Variants in SLC12A8 observed in about 807,000 individuals in gnomAD.
SLC12A8 encodes solute carrier family 12 member 8.
Under a neutral mutation model 75.6 loss-of-function variants are expected in SLC12A8, and 69 were observed. That is an observed-to-expected ratio of 0.91 (90% confidence interval 0.75 to 1.11). The LOEUF is 1.11. Among genes scored for constraint, SLC12A8 ranks in the 50% most tolerant of loss-of-function variants. The pLI, the probability that SLC12A8 is intolerant of heterozygous loss-of-function variation, is 0.00. For synonymous variants in SLC12A8, 365 were observed against 372.8 expected (o/e 0.98, Z 0.24); for missense variants, 877 against 896.7 (o/e 0.98, Z 0.28).
At position 125,110,364 on chromosome 3, in the gene SLC12A8, TGCCA is replaced by T. The variant is rs1939157664; in HGVS notation, c.913-33_913-30del. ...TGTGAGAAGCGGTTTCATTCGCCAGTGCCAGAACCTGCTCCTGTGCCTTTCTACC... is the reference window on the plus strand; with the variant it reads ...TGTGAGAAGCGGTTTCATTCGCCAGTGAACCTGCTCCTGTGCCTTTCTACC... On this transcript the variant is annotated intron_variant, in intron 8 of 13. Coordinates refer to ENST00000469902, the MANE Select transcript of SLC12A8 (RefSeq NM_024628.6). 4.4e-6 allele frequency: 7 copies of T among 1,602,580 alleles called. No homozygotes were observed. In the Admixed American group the frequency reaches 1.2e-4, roughly 27 times the overall value.
chr3:125,138,768 G>A lies in SLC12A8; in HGVS notation c.623-2986C>T, dbSNP rs528172005. 1.5e-3 allele frequency among the ~76,000 whole-genome samples: 234 copies of A among 152,036 alleles called. 5 individuals carry two copies. The Middle Eastern group carries it at 0.065, about 42-fold the overall frequency. On this transcript the variant is annotated intron_variant, in intron 5 of 13. Transcript: ENST00000469902. The stretch of plus-strand genomic sequence containing the variant: ...CATGTCTGCAATCCCAGCACTTTGG[G>A]AGGCTGAGGTGGGAGGATTGCTTGA...
intron 10 of SLC12A8, among the ~76,000 whole-genome samples, chr3:125,103,303 G>A (rs1361060990): frequency 6.6e-6 from 1 of 151,988 alleles, no homozygotes; most frequent in Non-Finnish European, 1.5e-5. Context: ...AGAGGAAAAC[G>A]TGAAGAGCCC....
At chr3:125,157,870 C>A (rs114275828) in intron 5 of SLC12A8, among the ~76,000 whole-genome samples, 2,181 of 152,242 alleles carry the variant, frequency 0.014, 46 homozygotes, top group African/African-American at 0.05. Flanking sequence ...TAGGGGAGAG[C>A]CTGTGCCTTA....
At position 125,107,886 on chromosome 3, in the gene SLC12A8, G is replaced by T. The variant is rs1939072837; in HGVS notation, c.1300C>A (p.Leu434Ile). Residue 434 changes from leucine (L) to isoleucine (I), a missense_variant, in exon 10 of 14, where the codon CTC becomes ATC. Physicochemically the swap from Leu to Ile is conservative, Grantham distance 5 (BLOSUM62 2). Coordinates refer to ENST00000469902, the MANE Select transcript of SLC12A8 (RefSeq NM_024628.6). ...AEGLHCSEHL[L>I]LEKAPSYGSE... Reference sequence around the variant, plus strand: ...CCGTAACTGGGAGCTTTCTCTAAGAGCAGGTGCTCAGAGCAGTGGAGGCCT... The same window carrying T: ...CCGTAACTGGGAGCTTTCTCTAAGATCAGGTGCTCAGAGCAGTGGAGGCCT... The T allele has an allele frequency of 1.2e-6, 2 of 1,614,082 alleles. No homozygotes were observed.
At chr3:125,130,727 G>C (rs1933333355) in intron 6 of SLC12A8, among the ~76,000 whole-genome samples, 1 of 152,218 alleles carries the variant, frequency 6.6e-6, no homozygotes, top group South Asian at 2.1e-4. Context: ...TCAAGCCTCA[G>C]GCTGCTGCTA....
At chr3:125,097,166 C>A (rs1056677430) in intron 10 of SLC12A8, among the ~76,000 whole-genome samples, 1 of 152,088 alleles carries the variant, frequency 6.6e-6, no homozygotes, top group Admixed American at 6.5e-5. Flanking sequence ...GCAGGTGCAT[C>A]ACAAGGTCAA....
chr3:125,180,030 T>A (rs113417664), intron 4 of SLC12A8, among the ~76,000 whole-genome samples: 8,259 of 104,796 alleles, frequency 0.079, 785 homozygotes, highest in African/African-American at 0.21. Context: ...TTCCAAACTG[T>A]TTTTTTTTTC....
At chr3:125,162,385 C>G (rs546330494) in intron 5 of SLC12A8, among the ~76,000 whole-genome samples, 41 of 152,300 alleles carry the variant, frequency 2.7e-4, no homozygotes, top group Non-Finnish European at 5.1e-4. Flanking sequence ...ACCTGGGACT[C>G]CTGGAGCCCC....
At chr3:125,120,545 G>C in intron 7 of SLC12A8, 54 bp downstream of exon 7, 1 of 1,307,080 alleles carries the variant, frequency 7.7e-7, no homozygotes, top group Non-Finnish European at 1.1e-6. Context: ...TCTTCTGCCT[G>C]GGGTTTTCTC....
chr3:125,172,045 A>G (rs1389527270), intron 5 of SLC12A8, among the ~76,000 whole-genome samples: 1 of 152,084 alleles, frequency 6.6e-6, no homozygotes, highest in Non-Finnish European at 1.5e-5. Flanking sequence ...AGACAGAGGC[A>G]GGCGGATCAC....
intron 10 of SLC12A8, among the ~76,000 whole-genome samples, chr3:125,094,259 T>G (rs1439700854): frequency 6.6e-6 from 1 of 152,188 alleles, no homozygotes; most frequent in Non-Finnish European, 1.5e-5. Context: ...TGCCTTAGTA[T>G]GTTTTTGATT....
At chr3:125,110,576 C>T in intron 8 of SLC12A8, 1 of 329,682 alleles carries the variant, frequency 3.0e-6, no homozygotes, top group South Asian at 9.7e-5. Context: ...CTGCCAGACT[C>T]AGCTGCAGGG....
At chr3:125,190,085 T>G (rs1277219089) in intron 3 of SLC12A8, among the ~76,000 whole-genome samples, 1 of 152,218 alleles carries the variant, frequency 6.6e-6, no homozygotes, top group Admixed American at 6.5e-5. Context: ...GCCATCAATC[T>G]GATCTCTCTG....
At chr3:125,130,256 G>A (rs1933319272) in intron 6 of SLC12A8, among the ~76,000 whole-genome samples, 1 of 152,196 alleles carries the variant, frequency 6.6e-6, no homozygotes, top group Non-Finnish European at 1.5e-5. Context: ...GAGCCAGAAT[G>A]TCCAGTGTCT....
At chr3:125,158,409 C>T (rs776982923) in intron 5 of SLC12A8, among the ~76,000 whole-genome samples, 6 of 152,000 alleles carry the variant, frequency 3.9e-5, no homozygotes, top group Admixed American at 6.5e-5. Context: ...TTAGTAGAGA[C>T]GGGGTTTCAC....
At chr3:125,090,764 G>A (rs1938562928) in intron 12 of SLC12A8, among the ~76,000 whole-genome samples, 1 of 152,130 alleles carries the variant, frequency 6.6e-6, no homozygotes, top group African/African-American at 2.4e-5. Flanking sequence ...GTGTTAGCCT[G>A]ATGTATCTTT....
At chr3:125,092,925 T>G (rs1028217635) in intron 10 of SLC12A8, among the ~76,000 whole-genome samples, 5 of 152,164 alleles carry the variant, frequency 3.3e-5, no homozygotes, top group Non-Finnish European at 4.4e-5. Context: ...GGGCTTTTAG[T>G]GTAAGCCTCA....
chr3:125,145,620 C>T (rs1933752759), intron 5 of SLC12A8, among the ~76,000 whole-genome samples: 1 of 152,198 alleles, frequency 6.6e-6, no homozygotes, highest in African/African-American at 2.4e-5. Context: ...TTCCAAAACC[C>T]TCAGTGGAGG....
At chr3:125,118,403 C>A (rs1213210335) in intron 8 of SLC12A8, among the ~76,000 whole-genome samples, 1 of 152,056 alleles carries the variant, frequency 6.6e-6, no homozygotes, top group Non-Finnish European at 1.5e-5. Context: ...GTGGGAGGAT[C>A]ACTTGAGGCC....
Sources: allele counts gnomAD v4.1 joint callset (sites outside exome capture counted in the v4.1 genomes callset), GRCh38; gene constraint gnomAD v4.1.1; transcripts MANE v1.5; gene names NCBI Gene and HGNC (gene_info 2026-07-23, HGNC 2026-07-21).